KCNQ1OT1: variants seen among roughly 807,000 people sequenced by gnomAD.
KCNQ1OT1 encodes KCNQ1 opposite strand/antisense transcript 1.
At position 2,671,738 on chromosome 11, in the gene KCNQ1OT1, C is replaced by T. The variant is rs1287879999; in HGVS notation, n.28257G>A. The T allele has an allele frequency of 2.5e-6, 1 of 398,550 alleles. No homozygotes were observed. Among genetic ancestry groups the T allele is most frequent in the Non-Finnish European group, 4.4e-6 (1 of 226,106 alleles). The allele number at this position is 398,550 out of a possible 1,614,324, so 24.7% of individuals were successfully genotyped here. A position where few individuals can be genotyped will look rare whatever the true frequency, so the allele number is the denominator to read the frequency against. ...GTGGTAGGCAAGGCTTTTCAGAGAA[C>T]AAGGAGCTACATACACATACATGCA... On this transcript the variant is annotated non_coding_transcript_exon_variant, in exon 1 of 1. Transcript: ENST00000597346. The surrounding 1 kb of genome is among the most constrained non-coding windows in gnomAD (Gnocchi z 4.7).
In KCNQ1OT1 at chr11:2,678,522, C is replaced by T. The variant is rs1850332082; in HGVS notation, n.21473G>A. ...CATTTCTAGACTCTATTCTGGACTG[C>T]TGATGGGCCTGTTGATAGGCCAGAG... On this transcript the variant is annotated non_coding_transcript_exon_variant, in exon 1 of 1. Coordinates refer to ENST00000597346, the Ensembl canonical transcript of KCNQ1OT1. The surrounding 1 kb of genome is among the most constrained non-coding windows in gnomAD (Gnocchi z 4.9). The T allele has an allele frequency of 5.0e-6, 2 of 398,562 alleles. No individual in the cohort carries two copies. The highest frequency in any genetic ancestry group is 4.4e-5 in the Admixed American group (1 of 22,726). 24.7% of individuals were successfully genotyped at this position (398,562 alleles called of 1,614,324 possible). A position where few individuals can be genotyped will look rare whatever the true frequency, so the allele number is the denominator to read the frequency against.
In KCNQ1OT1 at chr11:2,647,581, G is replaced by A. The variant is rs1404308106; in HGVS notation, n.52414C>T. On this transcript the variant is annotated non_coding_transcript_exon_variant, in exon 1 of 1. Transcript: ENST00000597346. This position sits in a 1 kb window ranked among gnomAD's most constrained non-coding sequence, Gnocchi z 4.0. ...AATTGTCTGAGAAGAATTCATGTTA[G>A]TTCTTTAAAGGTTTGGTAGAATTCA... The A allele has an allele frequency of 5.0e-6, 2 of 398,426 alleles. No homozygotes were observed. The highest frequency in any genetic ancestry group is 4.1e-5 in the African/African-American group (2 of 48,630). The allele number at this position is 398,426 out of a possible 1,614,324, so 24.7% of individuals were successfully genotyped here. A position where few individuals can be genotyped will look rare whatever the true frequency, so the allele number is the denominator to read the frequency against.
exon 1 of KCNQ1OT1, chr11:2,630,487 C>T (rs373576802): frequency 3.8e-5 from 15 of 398,118 alleles, no homozygotes; most frequent in Middle Eastern, 6.2e-4. Flanking sequence ...ATACTTCCCC[C>T]GCTACATTTT....
At chr11:2,616,646 A>G in exon 1 of KCNQ1OT1, 1 of 398,256 alleles carries the variant, frequency 2.5e-6, no homozygotes, top group Non-Finnish European at 4.4e-6. Context: ...CTTTGACACA[A>G]TAATTTTTAA....
exon 1 of KCNQ1OT1, chr11:2,609,602 A>G (rs1848944002): frequency 5.0e-6 from 2 of 398,222 alleles, no homozygotes; most frequent in African/African-American, 2.1e-5. Context: ...TGTACTACAC[A>G]TTATTGAAAG....
chr11:2,638,897 G>C (rs1324524532), exon 1 of KCNQ1OT1: 10 of 152,144 alleles, frequency 6.6e-5, no homozygotes, highest in Non-Finnish European at 1.5e-4. Context: ...ATATTTCTTG[G>C]AGGCTTTGTT....
rs1213702745 is a variant in KCNQ1OT1 at position 2,624,894 on chromosome 11, C to A, written n.75101G>T. The A allele has an allele frequency of 1.3e-5, 5 of 398,368 alleles. No homozygotes were observed. Among genetic ancestry groups the A allele is most frequent in the Admixed American group, 4.4e-5 (1 of 22,696 alleles). The allele number at this position is 398,368 out of a possible 1,614,324, so 24.7% of individuals were successfully genotyped here. ...TAACATAATGGCCTCGAGGTTCATC[C>A]ATGTTGTGGCATGTGTCAAAATTTC... On this transcript the variant is annotated non_coding_transcript_exon_variant, in exon 1 of 1. Transcript: ENST00000597346. This position sits in a 1 kb window ranked among gnomAD's most constrained non-coding sequence, Gnocchi z 4.9.
At chr11:2,694,029 G>A (rs1850632537) in exon 1 of KCNQ1OT1, 1 of 398,606 alleles carries the variant, frequency 2.5e-6, no homozygotes, top group South Asian at 1.3e-4. Context: ...CAAGCCACAG[G>A]TGCCCATGCC....
chr11:2,646,708 G>A, exon 1 of KCNQ1OT1: 1 of 398,512 alleles, frequency 2.5e-6, no homozygotes, highest in Non-Finnish European at 4.4e-6. Flanking sequence ...TACTGATGAG[G>A]TTTTGCCATG....
At position 2,689,764 on chromosome 11, in the gene KCNQ1OT1, G is replaced by A. The variant is rs150913135; in HGVS notation, n.10231C>T. 141 of 398,696 alleles carry A rather than the reference G, an allele frequency of 3.5e-4. No individual in the cohort carries two copies. The East Asian group carries it at 4.0e-3, about 11-fold the overall frequency. The allele number at this position is 398,696 out of a possible 1,614,324, so 24.7% of individuals were successfully genotyped here. ...TCATTTGTTTACAGGAGACTGATGG[G>A]TTCCTGAGCAGCCTAGGAGGGGAGG... On this transcript the variant is annotated non_coding_transcript_exon_variant, in exon 1 of 1. Transcript: ENST00000597346.
In KCNQ1OT1 at chr11:2,658,000, A is replaced by G. The variant is rs753844094; in HGVS notation, n.41995T>C. 2.5e-6 allele frequency: 1 copy of G among 398,560 alleles called. No homozygotes were observed. The highest frequency in any genetic ancestry group is 4.4e-6 in the Non-Finnish European group (1 of 226,044). 24.7% of individuals were successfully genotyped at this position (398,560 alleles called of 1,614,324 possible). A position where few individuals can be genotyped will look rare whatever the true frequency, so the allele number is the denominator to read the frequency against. On this transcript the variant is annotated non_coding_transcript_exon_variant, in exon 1 of 1. Coordinates refer to ENST00000597346, the Ensembl canonical transcript of KCNQ1OT1. The surrounding 1 kb of genome is among the most constrained non-coding windows in gnomAD (Gnocchi z 4.8). ...CCAGGCTCCTCCACTGTAAGTGAAT[A>G]GCTGTTTTTCCCTTTCCATAGCTTA...
exon 1 of KCNQ1OT1, chr11:2,628,058 T>C (rs1425147794): frequency 2.3e-5 from 9 of 398,554 alleles, no homozygotes; most frequent in Admixed American, 4.4e-5. Flanking sequence ...ATGAATACTA[T>C]GTTGCTCATT....
At position 2,662,043 on chromosome 11, in the gene KCNQ1OT1, A is replaced by G. The variant is rs370676650; in HGVS notation, n.37952T>C. On this transcript the variant is annotated non_coding_transcript_exon_variant, in exon 1 of 1. Coordinates refer to ENST00000597346, the Ensembl canonical transcript of KCNQ1OT1. Reference sequence around the variant, plus strand: ...GCTTCGCCGAGGACCTGGACCTGGAAGGGGAGACTCTGCTGACACCCATCA... The same window carrying G: ...GCTTCGCCGAGGACCTGGACCTGGAGGGGGAGACTCTGCTGACACCCATCA... 1.3e-4 allele frequency: 215 copies of G among 1,614,088 alleles called. No homozygotes were observed. Among genetic ancestry groups the G allele is most frequent in the Non-Finnish European group, 1.8e-4 (209 of 1,180,044 alleles).
chr11:2,663,261 A>G lies in KCNQ1OT1; in HGVS notation n.36734T>C. On this transcript the variant is annotated non_coding_transcript_exon_variant, in exon 1 of 1. Coordinates refer to ENST00000597346, the Ensembl canonical transcript of KCNQ1OT1. This position sits in a 1 kb window ranked among gnomAD's most constrained non-coding sequence, Gnocchi z 5.2. ...CACTGGAAAGCAGGGGTGACTAGTC[A>G]TGGACACCCTGAGAATAGGGCTCTG... 2 of 398,706 alleles carry G rather than the reference A, an allele frequency of 5.0e-6. No individual in the cohort carries two copies. The highest frequency in any genetic ancestry group is 8.8e-6 in the Non-Finnish European group (2 of 226,154). The allele number at this position is 398,706 out of a possible 1,614,324, so 24.7% of individuals were successfully genotyped here. A position where few individuals can be genotyped will look rare whatever the true frequency, so the allele number is the denominator to read the frequency against.
At position 2,687,393 on chromosome 11, in the gene KCNQ1OT1, G is replaced by A. The variant is rs1027814171; in HGVS notation, n.12602C>T. On this transcript the variant is annotated non_coding_transcript_exon_variant, in exon 1 of 1. Coordinates refer to ENST00000597346, the Ensembl canonical transcript of KCNQ1OT1. This position sits in a 1 kb window ranked among gnomAD's most constrained non-coding sequence, Gnocchi z 5.0. ...TCACTCAGGGCTGAGCTCTGCTGAAGGATCTGGGAGGTCAGTAGGCACCTG... is the reference window on the plus strand; with the variant it reads ...TCACTCAGGGCTGAGCTCTGCTGAAAGATCTGGGAGGTCAGTAGGCACCTG... 7.5e-6 allele frequency: 3 copies of A among 398,538 alleles called. No individual in the cohort carries two copies. Among genetic ancestry groups the A allele is most frequent in the Non-Finnish European group, 1.3e-5 (3 of 226,094 alleles). The allele number at this position is 398,538 out of a possible 1,614,324, so 24.7% of individuals were successfully genotyped here. A position where few individuals can be genotyped will look rare whatever the true frequency, so the allele number is the denominator to read the frequency against.
chr11:2,688,047 A>G, exon 1 of KCNQ1OT1: 1 of 398,754 alleles, frequency 2.5e-6, no homozygotes, highest in Non-Finnish European at 4.4e-6. Flanking sequence ...CACTCCACTC[A>G]GCTGCAGCCA....
chr11:2,676,184 T>C lies in KCNQ1OT1; in HGVS notation n.23811A>G, dbSNP rs1850291035. 1.8e-5 allele frequency: 7 copies of C among 398,562 alleles called. 1 individual carries two copies. Among genetic ancestry groups the C allele is most frequent in the South Asian group, 1.3e-4 (1 of 7,866 alleles). The allele number at this position is 398,562 out of a possible 1,614,324, so 24.7% of individuals were successfully genotyped here. A position where few individuals can be genotyped will look rare whatever the true frequency, so the allele number is the denominator to read the frequency against. ...TACACTTTGCCTTTGACTTCTTCCA[T>C]AGGTATGCCATACTTCTTTTTGAGC... On this transcript the variant is annotated non_coding_transcript_exon_variant, in exon 1 of 1. Coordinates refer to ENST00000597346, the Ensembl canonical transcript of KCNQ1OT1. The surrounding 1 kb of genome is among the most constrained non-coding windows in gnomAD (Gnocchi z 4.2).
chr11:2,665,245 C>T, exon 1 of KCNQ1OT1: 1 of 398,578 alleles, frequency 2.5e-6, no homozygotes, highest in Non-Finnish European at 4.4e-6. Flanking sequence ...CAAGAGAGTC[C>T]CTGCCAGCCT....
exon 1 of KCNQ1OT1, chr11:2,633,694 T>C: frequency 2.5e-6 from 1 of 398,648 alleles, no homozygotes; most frequent in Non-Finnish European, 4.4e-6. Context: ...TATTTACTTC[T>C]GGGTTCTCTA....
Sources: gnomAD v4.1 joint callset for allele counts on GRCh38, gnomAD v4.1.1 for gene constraint, Gnocchi (gnomAD v3.1) non-coding constraint, MANE v1.5 for transcripts, NCBI Gene and HGNC (gene_info 2026-07-23, HGNC 2026-07-21) for gene names.